CPT1A: variants seen among roughly 807,000 people sequenced by gnomAD.
CPT1A encodes carnitine O-palmitoyltransferase 1, liver isoform.
Under a neutral mutation model 100.8 loss-of-function variants are expected in CPT1A, and 64 were observed. The ratio of observed to expected loss-of-function variants is 0.63; its 90% CI spans 0.52 to 0.78. The LOEUF (loss-of-function observed/expected upper bound fraction) is 0.78, where lower values mean the gene tolerates loss of function less well. Ranked by LOEUF, CPT1A falls within the 30% of genes least tolerant of loss-of-function variation. The probability of loss-of-function intolerance (pLI) is 0.00; values close to 1 mark genes in which losing one functional copy is unlikely to be tolerated. For synonymous variants in CPT1A, 363 were observed against 396.0 expected, an observed-to-expected ratio of 0.92 and a Z score of 0.99; for missense variants, 802 against 1,034.1, an observed-to-expected ratio of 0.78 and a Z score of 3.08.
intron 9 of CPT1A, among the ~76,000 whole-genome samples, chr11:68,791,081 C>T (rs1855600688): frequency 6.6e-6 from 1 of 152,200 alleles, no homozygotes; most frequent in South Asian, 2.1e-4. Flanking sequence ...GCCTTGGCCT[C>T]CCAAAGTGCT....
At chr11:68,816,734 C>T (rs1001005606) in intron 1 of CPT1A, among the ~76,000 whole-genome samples, 3 of 146,236 alleles carry the variant, frequency 2.1e-5, no homozygotes, top group African/African-American at 7.6e-5. Flanking sequence ...TTTCAAGGAC[C>T]ATAATAAAAA....
chr11:68,817,183 G>T (rs546222826), intron 1 of CPT1A, among the ~76,000 whole-genome samples: 49 of 147,356 alleles, frequency 3.3e-4, no homozygotes, highest in African/African-American at 1.2e-3. Flanking sequence ...TGTGTGTGTG[G>T]GTGTGTGTGC....
At chr11:68,826,139 A>G (rs1349005399) in intron 1 of CPT1A, among the ~76,000 whole-genome samples, 2 of 152,018 alleles carry the variant, frequency 1.3e-5, no homozygotes, top group South Asian at 2.1e-4. Context: ...GCCTTGATGT[A>G]CCCCCGCACT....
At chr11:68,774,531 C>G (rs980382456) in intron 13 of CPT1A, among the ~76,000 whole-genome samples, 1 of 151,756 alleles carries the variant, frequency 6.6e-6, no homozygotes, top group African/African-American at 2.4e-5. Context: ...CACCTTCTGC[C>G]TCCCTGGTTC....
intron 18 of CPT1A, 60 bp downstream of exon 18, chr11:68,759,509 T>C (rs1946760064): frequency 4.5e-6 from 5 of 1,109,986 alleles, no homozygotes; most frequent in South Asian, 3.8e-5. Flanking sequence ...TGTGTTTCCT[T>C]AAAAAGAATA....
chr11:68,811,912 C>G (rs562897334), intron 3 of CPT1A, among the ~76,000 whole-genome samples: 1 of 151,674 alleles, frequency 6.6e-6, no homozygotes, highest in Non-Finnish European at 1.5e-5. Context: ...AAGAAATAAG[C>G]CCCAGGAAAA....
chr11:68,814,047 T>C (rs1213324786), intron 2 of CPT1A, among the ~76,000 whole-genome samples: 1 of 151,886 alleles, frequency 6.6e-6, no homozygotes, highest in Admixed American at 6.6e-5. Flanking sequence ...CACCGGGAAG[T>C]GCACAAACTG....
At chr11:68,817,153 CTGTGTGTGTGTGTGT>C (rs1209576698) in intron 1 of CPT1A, among the ~76,000 whole-genome samples, 5 of 93,360 alleles carry the variant, frequency 5.4e-5, no homozygotes, top group African/African-American at 1.8e-4. Flanking sequence ...GTGTGTGTGT[CTGTGTGTGTGTGTGT>C]GGTGTGTGTG....
chr11:68,782,853 G>A (rs1428739876), intron 10 of CPT1A, among the ~76,000 whole-genome samples: 1 of 152,124 alleles, frequency 6.6e-6, no homozygotes, highest in Non-Finnish European at 1.5e-5. Flanking sequence ...TGGCCGGCAC[G>A]TACGGAGCCC....
At position 68,773,275 on chromosome 11, in the gene CPT1A, G is replaced by A. The variant is rs1855044242; in HGVS notation, c.1730C>T (p.Ala577Val). The A allele has an allele frequency of 1.2e-6, 2 of 1,613,974 alleles. No individual in the cohort carries two copies. The highest frequency in any genetic ancestry group is 1.7e-6 in the Non-Finnish European group (2 of 1,179,978). ...DAFVQLALQL[A>V]HYKDMGKFCL... is the part of the protein sequence containing the mutation. ...GCGGTCAGTTCTTACCTTGTAGTGC[G>A]CCAGCTGGAGGGCCAGCTGCACAAA... The change falls in exon 14 of 19, where the codon GCG becomes GTG. Residue 577 changes from alanine (A) to valine (V), a missense_variant. By Grantham distance (64) the Ala-to-Val change is moderately conservative (BLOSUM62 0). Transcript: ENST00000265641.
chr11:68,774,441 T>TTA (rs1485342536), intron 13 of CPT1A, among the ~76,000 whole-genome samples: 1 of 151,758 alleles, frequency 6.6e-6, no homozygotes, highest in African/African-American at 2.4e-5. Flanking sequence ...TTACTTTTTA[T>TTA]TATTAATTTT....
intron 5 of CPT1A, among the ~76,000 whole-genome samples, chr11:68,803,642 C>T (rs1005010798): frequency 5.9e-5 from 9 of 151,372 alleles, no homozygotes; most frequent in Admixed American, 1.3e-4. Context: ...ACCTGGGAGG[C>T]GGAGGTTGCA....
At position 68,762,657 on chromosome 11, in the gene CPT1A, G is replaced by A. The variant is rs144747588; in HGVS notation, c.1845C>T (p.Phe615=). The A allele has an allele frequency of 4.1e-5, 66 of 1,613,892 alleles. No individual in the cohort carries two copies. The highest frequency in any genetic ancestry group is 5.3e-5 in the African/African-American group (4 of 75,046). Residue 615 remains phenylalanine (F), a synonymous_variant, in exon 15 of 19, where the codon TTC becomes TTT. Transcript: ENST00000265641. ...GGGCCGGGTCCACCATGGCCCGCAC[G>A]AAGTCGCATGACTCAGTGGTGCAGG... The part of the protein sequence containing the change: ...VRSCTTESCD[F]VRAMVDPAQT...
intron 4 of CPT1A, 88 bp downstream of exon 4, chr11:68,807,379 G>T (rs1476523111): frequency 1.5e-6 from 2 of 1,342,368 alleles, no homozygotes; most frequent in Non-Finnish European, 2.1e-6. Context: ...GGGAGAAAAG[G>T]TCGCAGGGGT....
chr11:68,760,607 T>C (rs1004555361), intron 16 of CPT1A, among the ~76,000 whole-genome samples: 4 of 152,142 alleles, frequency 2.6e-5, no homozygotes, highest in African/African-American at 9.7e-5. Flanking sequence ...AACAGATATA[T>C]GGAGTAAGAT....
Position 68,755,142 on chromosome 11 carries a change from T to C in CPT1A, c.*2502A>G, listed in dbSNP as rs2153994207. ...TATAAAATTGCATTGATAACTGCAC[T>C]GATGAGCAACAATTACATTTGAAAC... On this transcript the variant is annotated 3_prime_UTR_variant, in exon 19 of 19. Transcript: ENST00000265641. 2.5e-6 allele frequency: 1 copy of C among 396,536 alleles called. No individual in the cohort carries two copies. The highest frequency in any genetic ancestry group is 2.0e-5 in the African/African-American group (1 of 49,948). The allele number at this position is 396,536 out of a possible 1,614,324, so 24.6% of individuals were successfully genotyped here.
chr11:68,755,652 G>GCC lies in CPT1A; in HGVS notation c.*1990_*1991dup, dbSNP rs1251629924. The stretch of plus-strand genomic sequence containing the variant: ...TCTCCATCTCCTGACCTCGTGATCC[G>GCC]CCCGCCTTGGCCTCCCAAAGTGCTG... On this transcript the variant is annotated 3_prime_UTR_variant, in exon 19 of 19. Coordinates refer to ENST00000265641, the MANE Select transcript of CPT1A (RefSeq NM_001876.4). 6.8e-6 allele frequency: 1 copy of GCC among 146,562 alleles called. No individual in the cohort carries two copies. The highest frequency in any genetic ancestry group is 6.8e-5 in the Admixed American group (1 of 14,640). 9.1% of individuals were successfully genotyped at this position (146,562 alleles called of 1,614,324 possible).
In CPT1A at chr11:68,760,490, C is replaced by T. The variant is rs910353010; in HGVS notation, c.2029-152G>A. 1.3e-5 allele frequency: 8 copies of T among 597,210 alleles called. No individual in the cohort carries two copies. The East Asian group carries it at 1.3e-4, about 10-fold the overall frequency. 37.0% of individuals were successfully genotyped at this position (597,210 alleles called of 1,614,324 possible). A position where few individuals can be genotyped will look rare whatever the true frequency, so the allele number is the denominator to read the frequency against. On this transcript the variant is annotated intron_variant, in intron 16 of 18. Transcript: ENST00000265641. ...CCAAAGGCCTCACTGGCTTGGGCAG[C>T]GTATCTGCAGAGAGCATGCGGGGTG...
intron 5 of CPT1A, among the ~76,000 whole-genome samples, chr11:68,802,589 C>A (rs2154000446): frequency 6.6e-6 from 1 of 152,022 alleles, no homozygotes; most frequent in South Asian, 2.1e-4. Context: ...AAAATATTAG[C>A]CAGGCGTGGT....
Sources: gnomAD v4.1 joint callset for allele counts (sites outside exome capture counted in the v4.1 genomes callset) on GRCh38, gnomAD v4.1.1 for gene constraint, MANE v1.5 for transcripts, NCBI Gene and HGNC (gene_info 2026-07-23, HGNC 2026-07-21) for gene names.